TSPAN19: variants seen among roughly 807,000 people sequenced by gnomAD.
TSPAN19 encodes tetraspanin-19.
TSPAN19 carries 44 observed loss-of-function variants against 35.1 expected under a neutral mutation model. The observed-to-expected ratio is 1.25, with a 90% CI of 0.98 to 1.61. TSPAN19 has a LOEUF of 1.61. Among genes scored for constraint, TSPAN19 ranks in the 40% most tolerant of loss-of-function variants. The pLI is 0.00. For synonymous variants in TSPAN19, 79 were observed against 92.0 expected (o/e 0.86, Z 0.81); for missense variants, 290 against 280.0 (o/e 1.04, Z -0.26).
At chr12:85,031,338 C>T (rs1877674862) in intron 1 of TSPAN19, among the ~76,000 whole-genome samples, 1 of 152,098 alleles carries the variant, frequency 6.6e-6, no homozygotes, top group South Asian at 2.1e-4. Context: ...TGCTATAAAT[C>T]TACATTTTTG....
In TSPAN19 at chr12:85,017,580, T is replaced by C. The variant is rs1457738492; in HGVS notation, c.470A>G (p.His157Arg). 3 of 1,583,374 alleles carry C rather than the reference T, an allele frequency of 1.9e-6. No homozygotes were observed. Among genetic ancestry groups the C allele is most frequent in the East Asian group, 4.6e-5 (2 of 43,888 alleles). ...LQKTLQCCGQ[H>R]NYTDWIKNKN... The stretch of plus-strand genomic sequence containing the variant: ...ATTCTTTATCCAGTCTGTGTAATTA[T>C]GTTGGCCACAACACTGTAACTAGGA... Residue 157 changes from histidine to arginine, a missense_variant, in exon 7 of 9, where the codon CAT becomes CGT. Physicochemically the swap from His to Arg is conservative, Grantham distance 29 (BLOSUM62 0). Transcript: ENST00000532498.
intron 7 of TSPAN19, 140 bp from the exon 8 acceptor site, chr12:85,016,111 G>C: frequency 2.0e-6 from 1 of 511,850 alleles, no homozygotes; most frequent in African/African-American, 2.0e-5. Context: ...TGGCGAACTG[G>C]ACTTTTAGTC....
At chr12:85,020,151 G>A (rs1227738883) in intron 5 of TSPAN19, among the ~76,000 whole-genome samples, 1 of 151,642 alleles carries the variant, frequency 6.6e-6, no homozygotes, top group Non-Finnish European at 1.5e-5. Flanking sequence ...GGTTTGTACT[G>A]TACTTTTCAT....
At chr12:85,023,222 C>T in intron 5 of TSPAN19, 104 bp downstream of exon 5, 5 of 961,950 alleles carry the variant, frequency 5.2e-6, no homozygotes, top group Admixed American at 2.6e-5. Flanking sequence ...AGAAATTTAC[C>T]TTTGGCTTTT....
chr12:85,031,908 C>A (rs939429137), intron 1 of TSPAN19, among the ~76,000 whole-genome samples: 12 of 151,738 alleles, frequency 7.9e-5, no homozygotes, highest in African/African-American at 2.4e-4. Flanking sequence ...GTGGTGAGGG[C>A]CAAACAAAAT....
intron 5 of TSPAN19, among the ~76,000 whole-genome samples, chr12:85,021,519 T>G (rs1399153080): frequency 4.6e-5 from 7 of 152,076 alleles, no homozygotes. Context: ...TCGTTTTGTT[T>G]CTAAAACATT....
chr12:85,017,979 A>G (rs757188996), intron 6 of TSPAN19, among the ~76,000 whole-genome samples: 73 of 151,906 alleles, frequency 4.8e-4, no homozygotes, highest in Non-Finnish European at 9.0e-4. Flanking sequence ...TATTTAAAGA[A>G]TATGCAGTCA....
rs1876690140 is a variant in TSPAN19 at position 85,014,633 on chromosome 12, C to G, written c.679-78G>C. ...ATTTGCAAAGTTAACAATATATAGT[C>G]ACCAAAATGCGTATTGTAAAGGGAA... On this transcript the variant is annotated intron_variant, in intron 8 of 8. Coordinates refer to ENST00000532498, the MANE Select transcript of TSPAN19 (RefSeq NM_001100917.2). 8 of 1,026,834 alleles carry G rather than the reference C, an allele frequency of 7.8e-6. No homozygotes were observed. The South Asian group carries it at 1.2e-4, about 15-fold the overall frequency. 63.6% of individuals were successfully genotyped at this position (1,026,834 alleles called of 1,614,324 possible).
intron 1 of TSPAN19, among the ~76,000 whole-genome samples, chr12:85,035,980 G>C (rs1877992456): frequency 6.6e-6 from 1 of 151,082 alleles, no homozygotes. Flanking sequence ...ACAACTTATT[G>C]ACTTCTCTTC....
intron 7 of TSPAN19, chr12:85,016,445 T>A (rs1303062988): frequency 1.3e-5 from 2 of 152,124 alleles, no homozygotes; most frequent in Non-Finnish European, 2.9e-5. Flanking sequence ...AGAACAATTA[T>A]AACAATATGC....
chr12:85,022,801 T>C (rs1465297446), intron 5 of TSPAN19, among the ~76,000 whole-genome samples: 1 of 152,150 alleles, frequency 6.6e-6, no homozygotes, highest in Non-Finnish European at 1.5e-5. Flanking sequence ...CAAAAGTTTT[T>C]TCAGGCTTAT....
Position 85,027,950 on chromosome 12 carries a change from A to G in TSPAN19, c.213T>C (p.Cys71=). The change falls in exon 4 of 9, where the codon TGT becomes TGC. Residue 71 remains cysteine, a synonymous_variant. Transcript: ENST00000532498. The part of the protein sequence containing the change: ...IGMGSSTVLF[C]LLGYIGIHNE... ...TGTGAATTCCTATATAACCCAATAG[A>G]CAAAAAAGAACAGTAGAAGATCCCA... 2 of 1,600,318 alleles carry G rather than the reference A, an allele frequency of 1.2e-6. No individual in the cohort carries two copies. Among genetic ancestry groups the G allele is most frequent in the African/African-American group, 1.3e-5 (1 of 74,696 alleles).
chr12:85,016,269 G>A lies in TSPAN19; in HGVS notation c.595-298C>T, dbSNP rs1388995572. Reference sequence around the variant, plus strand: ...TATTGTAATTCATCAGGATACAGTAGTTTCCCTACTTACCCACCAGCAATA... The same window carrying A: ...TATTGTAATTCATCAGGATACAGTAATTTCCCTACTTACCCACCAGCAATA... On this transcript the variant is annotated intron_variant, in intron 7 of 8. Coordinates refer to ENST00000532498, the MANE Select transcript of TSPAN19 (RefSeq NM_001100917.2). The A allele has an allele frequency of 2.3e-5, 5 of 215,510 alleles. No individual in the cohort carries two copies. In the East Asian group the frequency reaches 3.5e-4, roughly 15 times the overall value. The allele number at this position is 215,510 out of a possible 1,614,324, so 13.3% of individuals were successfully genotyped here.
chr12:85,035,397 G>A (rs543762430), intron 1 of TSPAN19: 3 of 152,224 alleles, frequency 2.0e-5, no homozygotes, highest in Admixed American at 2.0e-4. Flanking sequence ...CTGAAACCAA[G>A]TGTAGTTTAT....
chr12:85,015,564 A>G, intron 8 of TSPAN19: 4 of 174,224 alleles, frequency 2.3e-5, no homozygotes, highest in Non-Finnish European at 3.6e-5. Flanking sequence ...ACACACACAC[A>G]CACACACACA....
chr12:85,033,816 T>C lies in TSPAN19; in HGVS notation c.-28+2388A>G, dbSNP rs535925915. ...CATCATCTGTAAATGCAGATTGTAA[T>C]AGTACATGCCTCAAAGAGATGTTGT... On this transcript the variant is annotated intron_variant, in intron 1 of 8. Coordinates refer to ENST00000532498, the MANE Select transcript of TSPAN19 (RefSeq NM_001100917.2). Among the ~76,000 whole-genome samples the C allele has an allele frequency of 5.9e-5, 9 of 152,254 alleles. No individual in the cohort carries two copies. In the South Asian group the frequency reaches 1.5e-3, roughly 25 times the overall value.
intron 5 of TSPAN19, among the ~76,000 whole-genome samples, chr12:85,021,363 T>C (rs924336636): frequency 6.6e-6 from 1 of 152,040 alleles, no homozygotes; most frequent in African/African-American, 2.4e-5. Flanking sequence ...ACTTAGTTAC[T>C]TATATATCTG....
At chr12:85,035,954 T>A (rs185536633) in intron 1 of TSPAN19, among the ~76,000 whole-genome samples, 3 of 152,086 alleles carry the variant, frequency 2.0e-5, no homozygotes, top group African/African-American at 4.8e-5. Context: ...TAAAAAACTG[T>A]TGTCATGGAA....
chr12:85,034,778 A>G (rs1279187883), intron 1 of TSPAN19, among the ~76,000 whole-genome samples: 2 of 152,196 alleles, frequency 1.3e-5, no homozygotes, highest in Non-Finnish European at 2.9e-5. Flanking sequence ...ACTAATTGAT[A>G]AAGTTGTCCT....
Sources: allele counts gnomAD v4.1 joint callset (sites outside exome capture counted in the v4.1 genomes callset), GRCh38; gene constraint gnomAD v4.1.1; transcripts MANE v1.5; gene names NCBI Gene and HGNC (gene_info 2026-07-23, HGNC 2026-07-21).